The following IGF1R variants were observed in gnomAD, a reference collection of about 807,000 sequenced individuals.
The protein encoded by IGF1R is insulin-like growth factor 1 receptor.
IGF1R carries 44 observed loss-of-function variants against 144.6 expected under a neutral mutation model. The ratio of observed to expected loss-of-function variants is 0.30; its 90% CI spans 0.24 to 0.39. The LOEUF is 0.39. Among genes scored for constraint, IGF1R ranks in the 10% least tolerant of loss-of-function variants. The pLI is 1.00. For missense variants in IGF1R, 1,355 were observed against 1,833.7 expected, an observed-to-expected ratio of 0.74 and a Z score of 4.77; for synonymous variants, 795 against 722.8, an observed-to-expected ratio of 1.10 and a Z score of -1.60.
chr15:98,811,469 G>T (rs2141457793), intron 2 of IGF1R, among the ~76,000 whole-genome samples: 1 of 150,462 alleles, frequency 6.6e-6, no homozygotes, highest in Middle Eastern at 3.4e-3. Flanking sequence ...GGCAGAGCTT[G>T]CAGTGAGCCG....
intron 2 of IGF1R, among the ~76,000 whole-genome samples, chr15:98,795,633 G>A (rs530525735): frequency 6.6e-6 from 1 of 152,238 alleles, no homozygotes; most frequent in African/African-American, 2.4e-5. Flanking sequence ...AGCCAGGATG[G>A]TCTTGATCTC....
intron 1 of IGF1R, among the ~76,000 whole-genome samples, chr15:98,670,257 A>G (rs562359271): frequency 1.3e-5 from 2 of 152,034 alleles, no homozygotes; most frequent in Non-Finnish European, 2.9e-5. Flanking sequence ...GGAGGAAGAG[A>G]TCATTTTGCC....
intron 1 of IGF1R, among the ~76,000 whole-genome samples, chr15:98,681,439 A>G (rs1031881365): frequency 2.0e-5 from 3 of 152,096 alleles, no homozygotes; most frequent in Admixed American, 6.5e-5. Flanking sequence ...AGCCTTATGG[A>G]GGAGAAAATG....
rs1370874975 is a variant in IGF1R, at chr15:98,962,382, G to A, written c.*4940G>A. 1.7e-5 allele frequency: 4 copies of A among 233,548 alleles called. No individual in the cohort carries two copies. The highest frequency in any genetic ancestry group is 3.4e-5 in the Non-Finnish European group (4 of 118,088). 14.5% of individuals were successfully genotyped at this position (233,548 alleles called of 1,614,324 possible). On this transcript the variant is annotated 3_prime_UTR_variant, in exon 21 of 21. Coordinates refer to ENST00000650285, the MANE Select transcript of IGF1R (RefSeq NM_000875.5). The stretch of plus-strand genomic sequence containing the variant: ...CATTTCCTGGGCTAAGCAGCATTGG[G>A]AGATGTGGACCAGAGATCCACTCCT...
chr15:98,716,126 G>A (rs1372635346), intron 2 of IGF1R, among the ~76,000 whole-genome samples: 1 of 152,170 alleles, frequency 6.6e-6, no homozygotes, highest in Non-Finnish European at 1.5e-5. Flanking sequence ...TCCTAGGGAC[G>A]GTTGCCACGT....
At chr15:98,861,782 T>C (rs992135819) in intron 2 of IGF1R, among the ~76,000 whole-genome samples, 1 of 152,222 alleles carries the variant, frequency 6.6e-6, no homozygotes, top group Non-Finnish European at 1.5e-5. Flanking sequence ...ACCAAATCCA[T>C]GGTACGCTCA....
intron 2 of IGF1R, among the ~76,000 whole-genome samples, chr15:98,872,057 A>G (rs2012813003): frequency 6.6e-6 from 1 of 152,206 alleles, no homozygotes; most frequent in Non-Finnish European, 1.5e-5. Flanking sequence ...CCCAGTGGGT[A>G]CCTGCATCCT....
chr15:98,667,785 G>T (rs573652699), intron 1 of IGF1R, among the ~76,000 whole-genome samples: 14 of 152,266 alleles, frequency 9.2e-5, no homozygotes, highest in African/African-American at 3.4e-4. Context: ...GTGCCTGGAA[G>T]TTGGACTTGC....
At chr15:98,806,411 C>G (rs1470735467) in intron 2 of IGF1R, among the ~76,000 whole-genome samples, 2 of 152,148 alleles carry the variant, frequency 1.3e-5, no homozygotes, top group Non-Finnish European at 2.9e-5. Flanking sequence ...CCCAGCCTCC[C>G]TTGTCATGTC....
At chr15:98,871,194 A>C (rs1521481) in intron 2 of IGF1R, among the ~76,000 whole-genome samples, 73,430 of 152,190 alleles carry the variant, frequency 0.48, 18,527 homozygotes, top group East Asian at 0.8. Context: ...TCAAGCAAGC[A>C]TCCAAGTTGT....
chr15:98,808,774 G>T (rs983893924), intron 2 of IGF1R, among the ~76,000 whole-genome samples: 1 of 151,618 alleles, frequency 6.6e-6, no homozygotes, highest in African/African-American at 2.4e-5. Flanking sequence ...CAAAGTCCTG[G>T]GCTCAAGAAA....
chr15:98,796,276 T>G (rs1300769500), intron 2 of IGF1R, among the ~76,000 whole-genome samples: 2 of 149,740 alleles, frequency 1.3e-5, no homozygotes, highest in African/African-American at 2.5e-5. Flanking sequence ...CGCCTGGGGG[T>G]GTGTGGGGGT....
At chr15:98,670,926 G>A (rs908146403) in intron 1 of IGF1R, among the ~76,000 whole-genome samples, 1 of 152,116 alleles carries the variant, frequency 6.6e-6, no homozygotes, top group Non-Finnish European at 1.5e-5. Context: ...TATTTCACAA[G>A]CTCCAGTAGC....
rs564837688 is a variant in IGF1R, at chr15:98,727,346, T to C, written c.640+19239T>C. 8.5e-5 allele frequency among the ~76,000 whole-genome samples: 13 copies of C among 152,318 alleles called. No homozygotes were observed. The South Asian group carries it at 2.7e-3, about 32-fold the overall frequency. ...CTGCTGGTTTTACCATGAATTAGGCTCTTGGAAAGTGATTGGGCCAGTGTA... is the reference window on the plus strand; with the variant it reads ...CTGCTGGTTTTACCATGAATTAGGCCCTTGGAAAGTGATTGGGCCAGTGTA... On this transcript the variant is annotated intron_variant, in intron 2 of 20. Coordinates refer to ENST00000650285, the MANE Select transcript of IGF1R (RefSeq NM_000875.5).
At chr15:98,870,118 T>C (rs1333841033) in intron 2 of IGF1R, among the ~76,000 whole-genome samples, 2 of 152,192 alleles carry the variant, frequency 1.3e-5, no homozygotes, top group Non-Finnish European at 2.9e-5. Flanking sequence ...TAACATAAAA[T>C]TTACCATCCA....
chr15:98,664,007 C>G (rs1222082869), intron 1 of IGF1R, among the ~76,000 whole-genome samples: 1 of 152,218 alleles, frequency 6.6e-6, no homozygotes, highest in African/African-American at 2.4e-5. Context: ...CTGGGTGCTG[C>G]CTGTTCTGCC....
chr15:98,922,708 G>C (rs895734070), intron 11 of IGF1R, among the ~76,000 whole-genome samples: 9 of 152,240 alleles, frequency 5.9e-5, no homozygotes, highest in Non-Finnish European at 1.3e-4. Context: ...CCTGCTACTT[G>C]GTGCACATCG....
At position 98,949,433 on chromosome 15, in the gene IGF1R, C is replaced by T. The variant is rs964284724; in HGVS notation, c.3722+725C>T. Among the ~76,000 whole-genome samples, 6 of 147,096 alleles carry T rather than the reference C, an allele frequency of 4.1e-5. No individual in the cohort carries two copies. In the Admixed American group the frequency reaches 4.1e-4, roughly 10 times the overall value. On this transcript the variant is annotated intron_variant, in intron 20 of 20. Coordinates refer to ENST00000650285, the MANE Select transcript of IGF1R (RefSeq NM_000875.5). ...TCGCTCTGTCGCCCAGGCTGGAGTGCATTGGCGTGATCTTGGCTCACTGCA... is the reference window on the plus strand; with the variant it reads ...TCGCTCTGTCGCCCAGGCTGGAGTGTATTGGCGTGATCTTGGCTCACTGCA...
Position 98,707,827 on chromosome 15 carries a change from C to T in IGF1R, c.360C>T (p.Phe120=), listed in dbSNP as rs2053901950. 9.3e-6 allele frequency: 15 copies of T among 1,614,022 alleles called. No individual in the cohort carries two copies. The highest frequency in any genetic ancestry group is 2.2e-5 in the East Asian group (1 of 44,892). The change falls in exon 2 of 21, where the codon TTC becomes TTT. Residue 120 remains phenylalanine, a synonymous_variant. Coordinates refer to ENST00000650285, the MANE Select transcript of IGF1R (RefSeq NM_000875.5). This position sits in a 1 kb window ranked among gnomAD's most constrained non-coding sequence, Gnocchi z 6.7. The part of the protein sequence containing the change: ...KLFYNYALVI[F]EMTNLKDIGL... ...TCTACAACTACGCCCTGGTCATCTT[C>T]GAGATGACCAATCTCAAGGATATTG...
Sources: gnomAD v4.1 joint callset for allele counts (sites outside exome capture counted in the v4.1 genomes callset) on GRCh38, gnomAD v4.1.1 for gene constraint, Gnocchi (gnomAD v3.1) non-coding constraint, MANE v1.5 for transcripts, NCBI Gene and HGNC (gene_info 2026-07-23, HGNC 2026-07-21) for gene names.